The following ERC2 variants were observed in gnomAD, a reference collection of about 807,000 sequenced individuals.
The protein encoded by ERC2 is ERC protein 2.
ERC2 carries 42 observed loss-of-function variants against 114.8 expected under a neutral mutation model. That is an observed-to-expected ratio of 0.37 (90% CI 0.29 to 0.47). The LOEUF is 0.47. ERC2 is among the 20% of genes least tolerant of loss of function. The pLI, the probability that ERC2 is intolerant of heterozygous loss-of-function variation, is 0.99. For synonymous variants in ERC2, 454 were observed against 425.5 expected (o/e 1.07, Z -0.82); for missense variants, 939 against 1,150.7 (o/e 0.82, Z 2.66).
At chr3:55,947,956 G>A (rs1018186806) in intron 13 of ERC2, among the ~76,000 whole-genome samples, 8 of 152,238 alleles carry the variant, frequency 5.3e-5, no homozygotes, top group South Asian at 4.1e-4. Context: ...AATTTCTGTC[G>A]GAAAACTGTA....
chr3:56,362,995 G>A (rs761529852), intron 2 of ERC2, among the ~76,000 whole-genome samples: 11 of 152,174 alleles, frequency 7.2e-5, no homozygotes, highest in Non-Finnish European at 1.2e-4. Flanking sequence ...GTTGCAATTG[G>A]TTTTTAGGAC....
At chr3:55,760,777 A>G (rs1277431996) in intron 14 of ERC2, among the ~76,000 whole-genome samples, 1 of 152,216 alleles carries the variant, frequency 6.6e-6, no homozygotes, top group Non-Finnish European at 1.5e-5. Flanking sequence ...ATAATCCAGA[A>G]ATAATATACT....
chr3:55,837,156 G>A (rs985528245), intron 14 of ERC2, among the ~76,000 whole-genome samples: 4 of 152,206 alleles, frequency 2.6e-5, no homozygotes, highest in African/African-American at 9.7e-5. Flanking sequence ...CACTGTTGGT[G>A]GGACTGTAAA....
chr3:56,269,670 T>A (rs915957140), intron 3 of ERC2, among the ~76,000 whole-genome samples: 1 of 152,120 alleles, frequency 6.6e-6, no homozygotes, highest in Non-Finnish European at 1.5e-5. Flanking sequence ...TATTCCCAAA[T>A]ACATCTAAAG....
chr3:56,283,287 A>C (rs994434994), intron 3 of ERC2, among the ~76,000 whole-genome samples: 1 of 152,218 alleles, frequency 6.6e-6, no homozygotes, highest in Non-Finnish European at 1.5e-5. Context: ...GAGACCACTG[A>C]CAGGAACACC....
chr3:55,729,837 CAAAAA>C lies in ERC2; in HGVS notation c.2712+4929_2712+4933del, dbSNP rs71096498. On this transcript the variant is annotated intron_variant, in intron 15 of 17. Transcript: ENST00000288221. ...AGGGTAATGCAGTGAGACTCTATCG[CAAAAA>C]AAAAAAAAAAAAAAAAAAAAAAATT... is the stretch of plus-strand genomic sequence containing the variant. Among the ~76,000 whole-genome samples the C allele has an allele frequency of 5.0e-3, 307 of 61,622 alleles. 9 individuals carry two copies. The highest frequency in any genetic ancestry group is 6.8e-3 in the Admixed American group (24 of 3,522). The allele number at this position is 61,622 out of a possible 152,430, so 40.4% of individuals were successfully genotyped here.
At chr3:55,998,977 A>G (rs1001442568) in intron 10 of ERC2, among the ~76,000 whole-genome samples, 1 of 152,194 alleles carries the variant, frequency 6.6e-6, no homozygotes, top group East Asian at 1.9e-4. Context: ...CAGTGCCTCC[A>G]AATCAGTCAT....
At chr3:55,799,384 TATATATATATGC>T (rs2070792842) in intron 14 of ERC2, among the ~76,000 whole-genome samples, 4 of 108,956 alleles carry the variant, frequency 3.7e-5, no homozygotes, top group African/African-American at 1.5e-4. Flanking sequence ...ATATGCCTTA[TATATATATATGC>T]ATATATATAT....
intron 3 of ERC2, among the ~76,000 whole-genome samples, chr3:56,263,195 T>C (rs140128733): frequency 1.5e-3 from 229 of 152,030 alleles, no homozygotes; most frequent in African/African-American, 4.8e-3. Flanking sequence ...GATTTACAAA[T>C]ATAATATAAG....
intron 3 of ERC2, among the ~76,000 whole-genome samples, chr3:56,229,224 G>C (rs1157671737): frequency 6.6e-6 from 1 of 152,130 alleles, no homozygotes; most frequent in African/African-American, 2.4e-5. Flanking sequence ...GTTTTTAATA[G>C]GTATTCATAT....
chr3:55,524,828 G>A (rs953001709), intron 17 of ERC2, among the ~76,000 whole-genome samples: 2 of 152,150 alleles, frequency 1.3e-5, no homozygotes, highest in African/African-American at 4.8e-5. Flanking sequence ...TTCTTCAGTG[G>A]GCTGAGGTGT....
chr3:55,861,916 C>A (rs562783986), intron 14 of ERC2, among the ~76,000 whole-genome samples: 117 of 152,296 alleles, frequency 7.7e-4, no homozygotes, highest in Non-Finnish European at 1.3e-3. Context: ...AACACTGAGC[C>A]CTGTACTGTG....
intron 6 of ERC2, among the ~76,000 whole-genome samples, chr3:56,129,163 A>G (rs959813235): frequency 6.6e-6 from 1 of 152,240 alleles, no homozygotes; most frequent in Admixed American, 6.5e-5. Flanking sequence ...CATGGAATAA[A>G]TATCTGTATT....
At chr3:55,852,708 C>T (rs760389175) in intron 14 of ERC2, 1 of 152,592 alleles carries the variant, frequency 6.6e-6, no homozygotes, top group African/African-American at 2.4e-5. Context: ...ACTCAGTCTG[C>T]ATTTACTCAT....
At chr3:56,287,110 G>T (rs2054774027) in intron 3 of ERC2, among the ~76,000 whole-genome samples, 1 of 152,118 alleles carries the variant, frequency 6.6e-6, no homozygotes, top group Non-Finnish European at 1.5e-5. Flanking sequence ...TCACATCTGA[G>T]CCAAGGTGGA....
intron 14 of ERC2, chr3:55,852,602 A>T (rs1297155122): frequency 6.5e-6 from 1 of 153,218 alleles, no homozygotes; most frequent in Non-Finnish European, 1.5e-5. Flanking sequence ...CCTTTAAAAA[A>T]ATCTTGCAGC....
rs991802166 is a variant in ERC2, at chr3:56,315,232, G to A, written c.658-18797C>T. 5.3e-5 allele frequency among the ~76,000 whole-genome samples: 8 copies of A among 152,070 alleles called. No individual in the cohort carries two copies. In the East Asian group the frequency reaches 1.3e-3, roughly 26 times the overall value. On this transcript the variant is annotated intron_variant, in intron 2 of 17. Transcript: ENST00000288221. ...GACATTCTTCTACCCGGGAGCTTAA[G>A]GACTTTAAAAAGGGTTTAGAGAAAT...
At chr3:55,605,433 G>T (rs1372166856) in intron 17 of ERC2, among the ~76,000 whole-genome samples, 2 of 152,100 alleles carry the variant, frequency 1.3e-5, no homozygotes, top group Non-Finnish European at 2.9e-5. Context: ...ATAATCAGTG[G>T]TTTGAATTTT....
intron 2 of ERC2, among the ~76,000 whole-genome samples, chr3:56,419,844 A>G (rs769080467): frequency 2.6e-5 from 4 of 152,224 alleles, no homozygotes; most frequent in Non-Finnish European, 5.9e-5. Context: ...TGACATTTTC[A>G]TCAGCTCTCA....
Sources: allele counts gnomAD v4.1 joint callset (sites outside exome capture counted in the v4.1 genomes callset), GRCh38; gene constraint gnomAD v4.1.1; transcripts MANE v1.5; gene names NCBI Gene and HGNC (gene_info 2026-07-23, HGNC 2026-07-21).